PTCH1: variants seen among roughly 807,000 people sequenced by gnomAD.
PTCH1 encodes patched 1, also known as protein patched homolog 1.
A neutral mutation model predicts 144.6 loss-of-function variants in PTCH1; 14 were observed. That is an observed-to-expected ratio of 0.10 (90% CI 0.06 to 0.15). The LOEUF is 0.15. Ranked by LOEUF, PTCH1 falls within the 10% of genes least tolerant of loss-of-function variation. PTCH1 has a pLI of 1.00. For missense variants in PTCH1, 1,623 were observed against 1,948.3 expected (o/e 0.83, Z 3.14); for synonymous variants, 833 against 793.6 (o/e 1.05, Z -0.83).
Position 95,508,556 on chromosome 9 carries a change from C to T in PTCH1, c.-195G>A, listed in dbSNP as rs573719809. 1 of 1,005,478 alleles carries T rather than the reference C, an allele frequency of 9.9e-7. No homozygotes were observed. Among genetic ancestry groups the T allele is most frequent in the Non-Finnish European group, 1.2e-6 (1 of 843,244 alleles). 62.3% of individuals were successfully genotyped at this position (1,005,478 alleles called of 1,614,324 possible). On this transcript the variant is annotated 5_prime_UTR_variant, in exon 1 of 24. Coordinates refer to ENST00000331920, the MANE Select transcript of PTCH1 (RefSeq NM_000264.5). ...CTGCTCACACGGCGGGCGCTGCTGCCGCTGCGGCCGCGGCCGCTGCCGGGG... is the reference window on the plus strand; with the variant it reads ...CTGCTCACACGGCGGGCGCTGCTGCTGCTGCGGCCGCGGCCGCTGCCGGGG...
Position 95,516,850 on chromosome 9 carries a change from A to T in PTCH1, c.-379T>A, listed in dbSNP as rs1032848921. ...CTCGGCGTGGGTGGTCTGCCGCGCC[A>T]TAGGCAGGACCTGTCAGGGTCACGT... On this transcript the variant is annotated 5_prime_UTR_variant, in exon 1 of 23. Transcript: ENST00000430669. 5 of 1,567,910 alleles carry T rather than the reference A, an allele frequency of 3.2e-6. No homozygotes were observed. In the African/African-American group the frequency reaches 4.1e-5, roughly 13 times the overall value.
At chr9:95,504,756 C>A (rs577680433) in intron 2 of PTCH1, among the ~76,000 whole-genome samples, 2 of 152,186 alleles carry the variant, frequency 1.3e-5, no homozygotes, top group South Asian at 2.1e-4. Context: ...TCTCTCCCCC[C>A]ACCCCCTACC....
intron 9 of PTCH1, 64 bp from the exon 10 acceptor site, chr9:95,477,766 T>C (rs1841180064): frequency 1.3e-6 from 2 of 1,591,780 alleles, no homozygotes; most frequent in East Asian, 4.6e-5. Flanking sequence ...GTGATTCTAA[T>C]GTTTCCCTCC....
intron 23 of PTCH1, 42 bp downstream of exon 23, chr9:95,446,869 C>T (rs984001328): frequency 6.2e-7 from 1 of 1,612,368 alleles, no homozygotes; most frequent in East Asian, 2.2e-5. Context: ...TCCTCTTTGC[C>T]TGGCTCTAGG....
At position 95,508,314 on chromosome 9, in the gene PTCH1, G is replaced by A. The variant is rs587780706; in HGVS notation, c.48C>T (p.Gly16=). The part of the protein sequence containing the change: ...NAAEPQDRGG[G]GSGCIGAPGR... Reference sequence around the variant, plus strand: ...CCGGGGCACCGATACAGCCGCTGCCGCCGCCGCCGCGGTCCTGGGGCTCGG... The same window carrying A: ...CCGGGGCACCGATACAGCCGCTGCCACCGCCGCCGCGGTCCTGGGGCTCGG... Residue 16 remains glycine (G), a synonymous_variant, in exon 1 of 24, where the codon GGC becomes GGT. Transcript: ENST00000331920. 2.2e-5 allele frequency: 30 copies of A among 1,388,540 alleles called. No homozygotes were observed. The highest frequency in any genetic ancestry group is 2.3e-5 in the Non-Finnish European group (25 of 1,077,782). The allele number at this position is 1,388,540 out of a possible 1,614,324, so 86.0% of individuals were successfully genotyped here. A position where few individuals can be genotyped will look rare whatever the true frequency, so the allele number is the denominator to read the frequency against.
intron 2 of PTCH1, among the ~76,000 whole-genome samples, chr9:95,497,515 A>C (rs1262383560): frequency 6.6e-6 from 1 of 152,056 alleles, no homozygotes; most frequent in Non-Finnish European, 1.5e-5. Context: ...AGGTGCACCC[A>C]CCCGGGAGGG....
rs1564030878 is a variant in PTCH1 at position 95,467,292 on chromosome 9, A to T, written c.2384T>A (p.Phe795Tyr). The change falls in exon 15 of 24, where the codon TTC (phenylalanine) becomes TAC (tyrosine). Residue 795 changes from phenylalanine (F) to tyrosine (Y), a missense_variant. Transcript: ENST00000331920. ...CATGTTGTAGAAAGAAAAGTATTTG[A>T]ATTGTGCAGCAATAAAGTCATATTC... is the stretch of plus-strand genomic sequence containing the variant. ...TREYDFIAAQFKYFSFYNMYI... is the reference protein window; with the variant it reads ...TREYDFIAAQYKYFSFYNMYI... The T allele has an allele frequency of 6.2e-7, 1 of 1,614,208 alleles. No individual in the cohort carries two copies. The highest frequency in any genetic ancestry group is 8.5e-7 in the Non-Finnish European group (1 of 1,180,032).
At chr9:95,470,438 T>C (rs1840463133) in intron 12 of PTCH1, among the ~76,000 whole-genome samples, 1 of 152,172 alleles carries the variant, frequency 6.6e-6, no homozygotes, top group Admixed American at 6.5e-5. Context: ...ACATTCCAAA[T>C]TGCCTCTGGA....
At chr9:95,479,723 C>T (rs761089327) in intron 7 of PTCH1, 23 of 609,146 alleles carry the variant, frequency 3.8e-5, no homozygotes, top group Non-Finnish European at 5.7e-5. Flanking sequence ...TCTCCTTAAA[C>T]CCTATAGTCA....
At chr9:95,464,112 C>T (rs1839786293) in intron 15 of PTCH1, among the ~76,000 whole-genome samples, 1 of 152,232 alleles carries the variant, frequency 6.6e-6, no homozygotes, top group Middle Eastern at 3.2e-3. Flanking sequence ...CACTGCTGGT[C>T]ACTTAGGTGC....
chr9:95,465,832 A>G (rs1291729960), intron 15 of PTCH1, among the ~76,000 whole-genome samples: 1 of 152,172 alleles, frequency 6.6e-6, no homozygotes, highest in Non-Finnish European at 1.5e-5. Flanking sequence ...TACTCCAGTA[A>G]AAGTGTTTTG....
At chr9:95,477,061 A>C (rs1841102182) in intron 10 of PTCH1, among the ~76,000 whole-genome samples, 2 of 152,238 alleles carry the variant, frequency 1.3e-5, no homozygotes, top group South Asian at 4.1e-4. Context: ...TTCGAAAGTC[A>C]GTGTACTATC....
At chr9:95,502,270 C>T (rs1413268598) in intron 2 of PTCH1, among the ~76,000 whole-genome samples, 1 of 152,224 alleles carries the variant, frequency 6.6e-6, no homozygotes, top group Non-Finnish European at 1.5e-5. Flanking sequence ...GCACTGCTGT[C>T]CTTCATGTTA....
chr9:95,482,245 TAAGAA>T, intron 3 of PTCH1, 42 bp from the exon 4 acceptor site: 1 of 1,569,764 alleles, frequency 6.4e-7, no homozygotes, highest in Admixed American at 1.7e-5. Flanking sequence ...CTCACTGTAA[TAAGAA>T]AATTAGTGCA....
At position 95,447,254 on chromosome 9, in the gene PTCH1, G is replaced by C; in HGVS notation, c.4002C>G (p.Ser1334Arg). 1 of 1,612,956 alleles carries C rather than the reference G, an allele frequency of 6.2e-7. No homozygotes were observed. The highest frequency in any genetic ancestry group is 1.1e-5 in the South Asian group (1 of 91,088). Residue 1334 changes from serine to arginine, a missense_variant, in exon 23 of 24, where the codon AGC (serine) becomes AGG (arginine). Physicochemically the swap from Ser to Arg is moderately radical, Grantham distance 110. Transcript: ENST00000331920. ...EISTEGHSGP[S>R]NRARWGPRGA... is the part of the protein sequence containing the mutation. ...CGCGAGGGCCCCAGCGGGCCCTATT[G>C]CTAGGGCCAGAATGCCCTTCAGTAG... is the stretch of plus-strand genomic sequence containing the variant.
intron 2 of PTCH1, among the ~76,000 whole-genome samples, chr9:95,495,935 AGT>A (rs1842757592): frequency 6.6e-6 from 1 of 152,132 alleles, no homozygotes; most frequent in African/African-American, 2.4e-5. Flanking sequence ...GATTTCTGCA[AGT>A]GTGTGTGAGT....
Position 95,443,245 on chromosome 9 carries a change from T to C in PTCH1, c.*3148A>G, listed in dbSNP as rs1225112180. ...CAGAGCTATGCTTATACCCACTATT[T>C]ATACAAAACAAAAAGGAGGAAAACC... is the stretch of plus-strand genomic sequence containing the variant. On this transcript the variant is annotated 3_prime_UTR_variant, in exon 24 of 24. Transcript: ENST00000331920. The C allele has an allele frequency of 6.6e-6, 1 of 152,128 alleles. No individual in the cohort carries two copies. The highest frequency in any genetic ancestry group is 2.4e-5 in the African/African-American group (1 of 41,404). The allele number at this position is 152,128 out of a possible 1,614,324, so 9.4% of individuals were successfully genotyped here. A position where few individuals can be genotyped will look rare whatever the true frequency, so the allele number is the denominator to read the frequency against.
intron 19 of PTCH1, among the ~76,000 whole-genome samples, chr9:95,455,456 G>A (rs1047459335): frequency 3.9e-5 from 6 of 152,192 alleles, no homozygotes; most frequent in Non-Finnish European, 7.3e-5. Flanking sequence ...TTTACTTATT[G>A]AATGCCTACT....
chr9:95,506,628 G>A (rs1040301447), intron 1 of PTCH1, 29 bp from the exon 2 acceptor site: 1 of 1,536,574 alleles, frequency 6.5e-7, no homozygotes, highest in Non-Finnish European at 8.8e-7. Context: ...GGAGGAGTGA[G>A]CGCCGGGGAG....
Sources: gnomAD v4.1 joint callset for allele counts (sites outside exome capture counted in the v4.1 genomes callset) on GRCh38, gnomAD v4.1.1 for gene constraint, MANE v1.5 for transcripts, NCBI Gene and HGNC (gene_info 2026-07-23, HGNC 2026-07-21) for gene names.